Variants in AGBL4 observed in about 807,000 individuals in gnomAD.
AGBL4 encodes AGBL carboxypeptidase 4.
In AGBL4, 58 loss-of-function variants were observed where a neutral mutation model predicts 66.4. That is an observed-to-expected ratio of 0.87 (90% CI 0.71 to 1.09). AGBL4 has a LOEUF of 1.09. AGBL4 is among the 50% of genes least tolerant of loss of function. AGBL4 has a pLI of 0.00. For missense variants in AGBL4, 579 were observed against 631.0 expected (o/e 0.92, Z 0.88); for synonymous variants, 234 against 222.9 (o/e 1.05, Z -0.44).
rs990806967 is a variant in AGBL4, at chr1:49,790,235, G to A, written c.157+61161C>T. 3.9e-5 allele frequency among the ~76,000 whole-genome samples: 6 copies of A among 151,916 alleles called. 1 individual carries two copies. The highest frequency in any genetic ancestry group is 2.1e-4 in the South Asian group (1 of 4,818). On this transcript the variant is annotated intron_variant, in intron 2 of 13. Coordinates refer to ENST00000371839, the MANE Select transcript of AGBL4 (RefSeq NM_032785.4). ...AAAAATTAGCCAGGAGTGATGGTGC[G>A]AGCCTGTAGTGTCAACTACTCGGGA...
intron 3 of AGBL4, among the ~76,000 whole-genome samples, chr1:49,657,760 G>T: frequency 6.6e-6 from 1 of 152,152 alleles, no homozygotes; most frequent in Non-Finnish European, 1.5e-5. Flanking sequence ...AATGGGGAAA[G>T]GATTCCCTAT....
chr1:49,901,443 T>G (rs1479851192), intron 1 of AGBL4, among the ~76,000 whole-genome samples: 1 of 152,050 alleles, frequency 6.6e-6, no homozygotes, highest in Non-Finnish European at 1.5e-5. Flanking sequence ...CCACTCACAT[T>G]GTCACAAAAA....
chr1:49,468,225 G>C (rs1351245076), intron 3 of AGBL4, among the ~76,000 whole-genome samples: 1 of 151,770 alleles, frequency 6.6e-6, no homozygotes, highest in Non-Finnish European at 1.5e-5. Context: ...ATGAAATATA[G>C]TGAAAAGTAA....
At chr1:48,911,773 T>C (rs981945362) in intron 5 of AGBL4, among the ~76,000 whole-genome samples, 1 of 152,222 alleles carries the variant, frequency 6.6e-6, no homozygotes, top group African/African-American at 2.4e-5. Context: ...TAGTTCATAT[T>C]ATTAGCAATG....
chr1:49,060,101 G>A (rs1049303984), intron 4 of AGBL4, among the ~76,000 whole-genome samples: 2 of 152,116 alleles, frequency 1.3e-5, no homozygotes, highest in Non-Finnish European at 2.9e-5. Context: ...GAGGAATAAT[G>A]TGGTTTGGCT....
At chr1:49,445,253 T>C (rs1198448720) in intron 3 of AGBL4, among the ~76,000 whole-genome samples, 2 of 152,104 alleles carry the variant, frequency 1.3e-5, no homozygotes, top group African/African-American at 4.8e-5. Context: ...CTATGTGCTT[T>C]TCTCTTGCTT....
intron 3 of AGBL4, among the ~76,000 whole-genome samples, chr1:49,273,347 C>G (rs937661440): frequency 2.0e-5 from 3 of 151,216 alleles, no homozygotes; most frequent in Non-Finnish European, 2.9e-5. Context: ...AGTCTATATA[C>G]AAAGTATATT....
At chr1:49,138,982 A>C (rs1311667363) in intron 4 of AGBL4, among the ~76,000 whole-genome samples, 1 of 152,148 alleles carries the variant, frequency 6.6e-6, no homozygotes, top group Non-Finnish European at 1.5e-5. Context: ...ATGATGGCAA[A>C]AAAGGGGAAG....
intron 9 of AGBL4, among the ~76,000 whole-genome samples, chr1:48,608,740 A>G (rs1296951247): frequency 6.6e-6 from 1 of 152,148 alleles, no homozygotes; most frequent in African/African-American, 2.4e-5. Context: ...GAAGGCTGGT[A>G]TTGTTTCTGA....
intron 4 of AGBL4, among the ~76,000 whole-genome samples, chr1:49,152,285 C>A (rs1287383296): frequency 2.0e-5 from 3 of 152,166 alleles, no homozygotes; most frequent in African/African-American, 7.2e-5. Context: ...TGGAAGCACT[C>A]CCTTCCTGTA....
At chr1:49,402,385 A>G (rs1483845674) in intron 3 of AGBL4, among the ~76,000 whole-genome samples, 1 of 152,184 alleles carries the variant, frequency 6.6e-6, no homozygotes, top group East Asian at 1.9e-4. Flanking sequence ...TTGCATTATC[A>G]ATTCTTGAAA....
intron 2 of AGBL4, among the ~76,000 whole-genome samples, chr1:49,738,053 G>A (rs1650049334): frequency 6.6e-6 from 1 of 152,236 alleles, no homozygotes; most frequent in Admixed American, 6.5e-5. Flanking sequence ...CTGTTGGTCA[G>A]TGTGTGCAGG....
At chr1:48,678,870 C>G (rs1646410348) in intron 6 of AGBL4, among the ~76,000 whole-genome samples, 1 of 152,184 alleles carries the variant, frequency 6.6e-6, no homozygotes, top group Admixed American at 6.5e-5. Context: ...TATTTTAAAG[C>G]TGCCAGCACC....
chr1:49,791,174 T>C (rs1378131430), intron 2 of AGBL4, among the ~76,000 whole-genome samples: 1 of 152,106 alleles, frequency 6.6e-6, no homozygotes, highest in Non-Finnish European at 1.5e-5. Context: ...AAGTGAAGCA[T>C]GCATATTGTT....
chr1:49,370,836 C>A (rs1167324308), intron 3 of AGBL4, among the ~76,000 whole-genome samples: 1 of 152,100 alleles, frequency 6.6e-6, no homozygotes, highest in Admixed American at 6.6e-5. Context: ...ATAGTTAATT[C>A]GAACTGTCAA....
chr1:49,720,610 G>T (rs1215361829), intron 2 of AGBL4, among the ~76,000 whole-genome samples: 1 of 152,130 alleles, frequency 6.6e-6, no homozygotes, highest in Non-Finnish European at 1.5e-5. Flanking sequence ...TTTTAGCTGT[G>T]TAGTCTTGAA....
rs557761078 is a variant in AGBL4 at position 49,508,958 on chromosome 1, T to C, written c.282+188355A>G. Among the ~76,000 whole-genome samples the C allele has an allele frequency of 3.7e-4, 56 of 151,914 alleles. 1 individual carries two copies. Among genetic ancestry groups the C allele is most frequent in the Middle Eastern group, 6.8e-3 (2 of 294 alleles). On this transcript the variant is annotated intron_variant, in intron 3 of 13. Coordinates refer to ENST00000371839, the MANE Select transcript of AGBL4 (RefSeq NM_032785.4). Reference sequence around the variant, plus strand: ...GAGAATGATACAGAGAAGAAAAACATGATCCCTGCTTAAAGTACTTATCAT... The same window carrying C: ...GAGAATGATACAGAGAAGAAAAACACGATCCCTGCTTAAAGTACTTATCAT...
intron 11 of AGBL4, among the ~76,000 whole-genome samples, chr1:48,583,553 C>T (rs1023868934): frequency 2.0e-5 from 3 of 152,182 alleles, no homozygotes; most frequent in Non-Finnish European, 4.4e-5. Flanking sequence ...ATAAATATCT[C>T]TATTTAATTC....
At chr1:48,572,316 G>C (rs1644578254) in intron 11 of AGBL4, among the ~76,000 whole-genome samples, 2 of 152,096 alleles carry the variant, frequency 1.3e-5, no homozygotes, top group Non-Finnish European at 2.9e-5. Flanking sequence ...ACTTAAGAGA[G>C]GACAGAGTGG....
Sources: gnomAD v4.1 joint callset for allele counts (sites outside exome capture counted in the v4.1 genomes callset) on GRCh38, gnomAD v4.1.1 for gene constraint, MANE v1.5 for transcripts, NCBI Gene and HGNC (gene_info 2026-07-23, HGNC 2026-07-21) for gene names.